Variants in CGNL1 observed in about 807,000 individuals in gnomAD.
CGNL1 encodes cingulin-like protein 1.
CGNL1 carries 132 observed loss-of-function variants against 141.2 expected under a neutral mutation model. That is an observed-to-expected ratio of 0.93 (90% CI 0.81 to 1.08). CGNL1 has a LOEUF of 1.08. Among genes scored for constraint, CGNL1 ranks in the 50% least tolerant of loss-of-function variants. The pLI is 0.00. For synonymous variants in CGNL1, 690 were observed against 622.1 expected (o/e 1.11, Z -1.63); for missense variants, 1,870 against 1,588.6 (o/e 1.18, Z -3.01).
chr15:57,432,434 C>T (rs2063055918), intron 1 of CGNL1, among the ~76,000 whole-genome samples: 1 of 152,228 alleles, frequency 6.6e-6, no homozygotes, highest in South Asian at 2.1e-4. Flanking sequence ...GCCCTTTGTT[C>T]TTACAAACAC....
intron 8 of CGNL1, among the ~76,000 whole-genome samples, chr15:57,480,525 A>G (rs2063712410): frequency 6.6e-6 from 1 of 152,144 alleles, no homozygotes; most frequent in Admixed American, 6.5e-5. Flanking sequence ...GTCTCAAAAA[A>G]AGAAAAAAAG....
At chr15:57,500,589 C>T (rs2064010109) in intron 8 of CGNL1, among the ~76,000 whole-genome samples, 1 of 152,102 alleles carries the variant, frequency 6.6e-6, no homozygotes, top group South Asian at 2.1e-4. Flanking sequence ...TCAGGGTCAG[C>T]AAGAGCCTGT....
At chr15:57,539,381 A>C (rs2032439858) in intron 14 of CGNL1, among the ~76,000 whole-genome samples, 1 of 151,500 alleles carries the variant, frequency 6.6e-6, no homozygotes, top group Non-Finnish European at 1.5e-5. Flanking sequence ...CTGTCCCTCC[A>C]CTTGCTGGGT....
In CGNL1 at chr15:57,445,160, C is replaced by T. The variant is rs535628053; in HGVS notation, c.1803+2682C>T. Among the ~76,000 whole-genome samples, 3 of 152,282 alleles carry T rather than the reference C, an allele frequency of 2.0e-5. No individual in the cohort carries two copies. In the South Asian group the frequency reaches 6.2e-4, roughly 32 times the overall value. On this transcript the variant is annotated intron_variant, in intron 4 of 18. Coordinates refer to ENST00000281282, the MANE Select transcript of CGNL1 (RefSeq NM_032866.5). ...CCTGTAGCCCCAGCTACTCAGGAAG[C>T]TGAGGCAGAAGTCACTTGAGACCAG...
At chr15:57,449,450 T>G (rs935514877) in intron 4 of CGNL1, among the ~76,000 whole-genome samples, 2 of 152,206 alleles carry the variant, frequency 1.3e-5, no homozygotes, top group African/African-American at 4.8e-5. Flanking sequence ...GAGTGGAAAG[T>G]GCAGACAGTT....
In CGNL1 at chr15:57,440,479, A is replaced by AT. The variant is rs540588987; in HGVS notation, c.1697+12dup. Reference sequence around the variant, plus strand: ...CAATTACCTCAAAGAAGGGTTAGTGATTTTCCCTCTGAAAGAGCAAAGTAT... The same window carrying AT: ...CAATTACCTCAAAGAAGGGTTAGTGATTTTTCCCTCTGAAAGAGCAAAGTAT... On this transcript the variant is annotated intron_variant, in intron 3 of 18. Coordinates refer to ENST00000281282, the MANE Select transcript of CGNL1 (RefSeq NM_032866.5). 4 of 1,566,942 alleles carry AT rather than the reference A, an allele frequency of 2.6e-6. No homozygotes were observed. Among genetic ancestry groups the AT allele is most frequent in the Admixed American group, 3.6e-5 (2 of 55,022 alleles).
chr15:57,427,428 C>A (rs77247791), intron 1 of CGNL1, among the ~76,000 whole-genome samples: 1 of 152,068 alleles, frequency 6.6e-6, no homozygotes, highest in Non-Finnish European at 1.5e-5. Flanking sequence ...CTGACTCATG[C>A]GTTTATGAGA....
At chr15:57,494,911 A>G (rs2063915903) in intron 8 of CGNL1, among the ~76,000 whole-genome samples, 1 of 152,226 alleles carries the variant, frequency 6.6e-6, no homozygotes, top group Non-Finnish European at 1.5e-5. Flanking sequence ...GCCAGAAGGT[A>G]GCTCCTCTTC....
At chr15:57,402,199 G>A (rs1490528969) in intron 1 of CGNL1, among the ~76,000 whole-genome samples, 1 of 152,326 alleles carries the variant, frequency 6.6e-6, no homozygotes, top group East Asian at 1.9e-4. Flanking sequence ...TCTCCCCATA[G>A]TGAGTGAGTG....
chr15:57,513,398 A>G (rs2030508173), intron 8 of CGNL1, among the ~76,000 whole-genome samples: 1 of 152,128 alleles, frequency 6.6e-6, no homozygotes, highest in Non-Finnish European at 1.5e-5. Flanking sequence ...ATTCCATTCT[A>G]TGGATATGCC....
At chr15:57,455,598 G>A (rs1280413) in intron 7 of CGNL1, among the ~76,000 whole-genome samples, 2 of 152,088 alleles carry the variant, frequency 1.3e-5, no homozygotes, top group Admixed American at 6.5e-5. Flanking sequence ...GCTTCTTTCC[G>A]CATTTCACAT....
chr15:57,440,412 C>A lies in CGNL1; in HGVS notation c.1638C>A (p.Leu546=). ...TPDLLKGQQE[L]TQQTNEETAK... is the part of the protein sequence containing the mutation. The stretch of plus-strand genomic sequence containing the variant: ...ATCTCTTAAAGGGCCAGCAAGAGCT[C>A]ACTCAGCAAACCAATGAGGAGACAG... The change falls in exon 3 of 19, where the codon CTC becomes CTA. Residue 546 remains leucine, a synonymous_variant. Coordinates refer to ENST00000281282, the MANE Select transcript of CGNL1 (RefSeq NM_032866.5). The A allele has an allele frequency of 6.2e-7, 1 of 1,603,002 alleles. No homozygotes were observed. Among genetic ancestry groups the A allele is most frequent in the Non-Finnish European group, 8.5e-7 (1 of 1,174,200 alleles).
At chr15:57,508,903 C>T (rs2029969572) in intron 8 of CGNL1, among the ~76,000 whole-genome samples, 2 of 152,028 alleles carry the variant, frequency 1.3e-5, no homozygotes, top group Admixed American at 1.3e-4. Flanking sequence ...TTTGAGAAGC[C>T]CAAGATTAGA....
intron 15 of CGNL1, 49 bp downstream of exon 15, chr15:57,543,828 T>A (rs2032703631): frequency 7.2e-7 from 1 of 1,392,754 alleles, no homozygotes; most frequent in South Asian, 1.2e-5. Context: ...CCGCTAACCC[T>A]CCCCCACTTC....
At chr15:57,474,073 G>T (rs1322407855) in intron 8 of CGNL1, among the ~76,000 whole-genome samples, 1 of 151,714 alleles carries the variant, frequency 6.6e-6, no homozygotes, top group Non-Finnish European at 1.5e-5. Context: ...ACCACGCCTG[G>T]CTAATTTTTG....
At chr15:57,481,962 G>C (rs2063731904) in intron 8 of CGNL1, among the ~76,000 whole-genome samples, 1 of 152,088 alleles carries the variant, frequency 6.6e-6, no homozygotes. Flanking sequence ...CATTCTGATA[G>C]GTATATGTGA....
At chr15:57,469,113 TGAGGCTGCAGCTGG>T (rs2063548011) in intron 8 of CGNL1, among the ~76,000 whole-genome samples, 1 of 151,958 alleles carries the variant, frequency 6.6e-6, no homozygotes, top group African/African-American at 2.4e-5. Flanking sequence ...TGGTGTGACC[TGAGGCTGCAGCTGG>T]AATGGTTAGA....
chr15:57,458,405 G>A (rs1041862615), intron 7 of CGNL1, among the ~76,000 whole-genome samples: 5 of 152,160 alleles, frequency 3.3e-5, no homozygotes, highest in African/African-American at 1.2e-4. Context: ...GTGATATGGC[G>A]AGGTGTAATC....
intron 1 of CGNL1, among the ~76,000 whole-genome samples, chr15:57,415,336 T>G (rs1242352940): frequency 6.6e-6 from 1 of 151,834 alleles, no homozygotes; most frequent in African/African-American, 2.4e-5. Context: ...ATCACAAGAG[T>G]CCTTATATGG....
Sources: allele counts gnomAD v4.1 joint callset (sites outside exome capture counted in the v4.1 genomes callset), GRCh38; gene constraint gnomAD v4.1.1; transcripts MANE v1.5; gene names NCBI Gene and HGNC (gene_info 2026-07-23, HGNC 2026-07-21).